CNTNAP2: variants seen among roughly 807,000 people sequenced by gnomAD.
CNTNAP2 encodes the protein contactin associated protein 2.
A neutral mutation model predicts 155.2 loss-of-function variants in CNTNAP2; 98 were observed. The ratio of observed to expected loss-of-function variants is 0.63; its 90% confidence interval spans 0.54 to 0.75. CNTNAP2 has a LOEUF of 0.75. Among genes scored for constraint, CNTNAP2 ranks in the 30% least tolerant of loss-of-function variants. The probability of loss-of-function intolerance (pLI) is 0.00; values close to 1 mark genes in which losing one functional copy is unlikely to be tolerated. For synonymous variants in CNTNAP2, 651 were observed against 631.2 expected, an observed-to-expected ratio of 1.03 and a Z score of -0.47; for missense variants, 1,727 against 1,688.1, an observed-to-expected ratio of 1.02 and a Z score of -0.40.
chr7:146,674,778 G>C (rs1457795741), intron 1 of CNTNAP2, among the ~76,000 whole-genome samples: 1 of 152,136 alleles, frequency 6.6e-6, no homozygotes, highest in Non-Finnish European at 1.5e-5. Flanking sequence ...GCCGGAGTAG[G>C]TTGTGGGAAA....
At chr7:148,212,013 T>C (rs1795559767) in intron 18 of CNTNAP2, among the ~76,000 whole-genome samples, 1 of 152,176 alleles carries the variant, frequency 6.6e-6, no homozygotes, top group Non-Finnish European at 1.5e-5. Context: ...AAAATATAGG[T>C]TGCAAAATCC....
Position 146,970,114 on chromosome 7 carries a change from A to G in CNTNAP2, c.403-73793A>G, listed in dbSNP as rs1797751593. Among the ~76,000 whole-genome samples the G allele has an allele frequency of 2.0e-5, 3 of 152,348 alleles. No individual in the cohort carries two copies. In the South Asian group the frequency reaches 6.2e-4, roughly 32 times the overall value. On this transcript the variant is annotated intron_variant, in intron 3 of 23. Transcript: ENST00000361727. ...CCTAAAACCATAAAAACCCTAGAAG[A>G]AAACCTAGACATTACCATTCAGGAC...
chr7:146,783,027 CTT>C (rs920710474), intron 2 of CNTNAP2, among the ~76,000 whole-genome samples: 1 of 152,190 alleles, frequency 6.6e-6, no homozygotes, highest in East Asian at 1.9e-4. Context: ...ATTTTTAAAA[CTT>C]TCAGTATTTT....
At chr7:147,559,695 T>G (rs1239577486) in intron 11 of CNTNAP2, among the ~76,000 whole-genome samples, 1 of 152,162 alleles carries the variant, frequency 6.6e-6, no homozygotes, top group South Asian at 2.1e-4. Flanking sequence ...AATTTGAACC[T>G]GACATCCTGG....
intron 4 of CNTNAP2, among the ~76,000 whole-genome samples, chr7:147,068,625 G>C (rs938518171): frequency 6.6e-6 from 1 of 152,160 alleles, no homozygotes; most frequent in Non-Finnish European, 1.5e-5. Context: ...CCAAAGTGCT[G>C]GAACTACAGG....
rs200010179 is a variant in CNTNAP2 at position 146,933,316 on chromosome 7, G to T, written c.402+93412G>T. ...ACAACTATCTGATCTTTGACAAACC[G>T]GAGAAAAACAGGCAATGGGGAAAGG... On this transcript the variant is annotated intron_variant, in intron 3 of 23. Coordinates refer to ENST00000361727, the MANE Select transcript of CNTNAP2 (RefSeq NM_014141.6). Among the ~76,000 whole-genome samples the T allele has an allele frequency of 6.3e-4, 96 of 152,032 alleles. 1 individual carries two copies. The East Asian group carries it at 9.5e-3, about 15-fold the overall frequency.
intron 1 of CNTNAP2, among the ~76,000 whole-genome samples, chr7:146,342,233 C>A (rs1794741901): frequency 6.6e-6 from 1 of 152,024 alleles, no homozygotes; most frequent in African/African-American, 2.4e-5. Context: ...CCCTAGGTAC[C>A]AAATTGCTGC....
chr7:147,885,513 AC>A (rs1313521448), intron 13 of CNTNAP2, among the ~76,000 whole-genome samples: 1 of 150,936 alleles, frequency 6.6e-6, no homozygotes, highest in Non-Finnish European at 1.5e-5. Context: ...TCAGAACTCC[AC>A]CCCCCGCCAC....
chr7:147,605,208 T>G (rs1801037580), intron 12 of CNTNAP2, among the ~76,000 whole-genome samples: 1 of 152,182 alleles, frequency 6.6e-6, no homozygotes, highest in African/African-American at 2.4e-5. Context: ...TTTCTTTTTT[T>G]TCCTTCCTTC....
intron 1 of CNTNAP2, among the ~76,000 whole-genome samples, chr7:146,543,407 C>A (rs990926962): frequency 6.6e-6 from 1 of 151,760 alleles, no homozygotes; most frequent in African/African-American, 2.4e-5. Context: ...CCCTCATTCC[C>A]CTTTCCATTC....
At chr7:146,166,365 TTACAGGCGTGA>T (rs1798312463) in intron 1 of CNTNAP2, among the ~76,000 whole-genome samples, 1 of 152,182 alleles carries the variant, frequency 6.6e-6, no homozygotes, top group Non-Finnish European at 1.5e-5. Context: ...AGTGCTGGGA[TTACAGGCGTGA>T]GCCACCACAC....
intron 3 of CNTNAP2, among the ~76,000 whole-genome samples, chr7:147,029,062 C>T (rs534469184): frequency 3.7e-4 from 53 of 143,908 alleles, no homozygotes; most frequent in African/African-American, 1.4e-3. Context: ...CTCTCGGGTT[C>T]ACGCCATTCT....
intron 3 of CNTNAP2, among the ~76,000 whole-genome samples, chr7:146,893,374 CAT>C (rs1436803977): frequency 2.0e-5 from 3 of 151,284 alleles, no homozygotes; most frequent in East Asian, 1.9e-4. Flanking sequence ...ATAAATCTAT[CAT>C]ATATCTCTAT....
chr7:147,554,200 C>T (rs983788960), intron 11 of CNTNAP2, among the ~76,000 whole-genome samples: 2 of 152,088 alleles, frequency 1.3e-5, no homozygotes, highest in African/African-American at 4.8e-5. Context: ...GAATAAAATA[C>T]AAGTAGAGTT....
intron 2 of CNTNAP2, among the ~76,000 whole-genome samples, chr7:146,830,987 A>C (rs552370025): frequency 6.6e-6 from 1 of 152,206 alleles, no homozygotes; most frequent in African/African-American, 2.4e-5. Context: ...ACATTTTACT[A>C]GTTTACATTT....
intron 1 of CNTNAP2, among the ~76,000 whole-genome samples, chr7:146,208,090 G>A (rs780278058): frequency 7.9e-5 from 12 of 151,878 alleles, no homozygotes; most frequent in Non-Finnish European, 1.3e-4. Flanking sequence ...AGTTCCTAAA[G>A]TATGTTCTTA....
intron 4 of CNTNAP2, 137 bp from the exon 5 acceptor site, chr7:147,108,010 T>C: frequency 1.4e-6 from 1 of 739,258 alleles, no homozygotes. Context: ...AAAGAAGGAA[T>C]AGAAGAAAAA....
In CNTNAP2 at chr7:147,515,601, G is replaced by A. The variant is rs192799520; in HGVS notation, c.1777+29560G>A. On this transcript the variant is annotated intron_variant, in intron 11 of 23. Transcript: ENST00000361727. Reference sequence around the variant, plus strand: ...CTCCCAAAGTGCTGGGATTACAGGCGTGAACCACTGTATGCAGCCCATTAT... The same window carrying A: ...CTCCCAAAGTGCTGGGATTACAGGCATGAACCACTGTATGCAGCCCATTAT... Among the ~76,000 whole-genome samples the A allele has an allele frequency of 8.1e-4, 123 of 152,134 alleles. 1 individual carries two copies. The highest frequency in any genetic ancestry group is 2.7e-3 in the African/African-American group (112 of 41,518).
chr7:146,594,728 C>T (rs1426061068), intron 1 of CNTNAP2, among the ~76,000 whole-genome samples: 1 of 152,072 alleles, frequency 6.6e-6, no homozygotes, highest in Non-Finnish European at 1.5e-5. Context: ...ATTTTGCGTC[C>T]TCTCATCTCA....
Sources: allele counts gnomAD v4.1 joint callset (sites outside exome capture counted in the v4.1 genomes callset), GRCh38; gene constraint gnomAD v4.1.1; transcripts MANE v1.5; gene names NCBI Gene and HGNC (gene_info 2026-07-23, HGNC 2026-07-21).